FAM53B: variants seen among roughly 807,000 people sequenced by gnomAD.
The protein encoded by FAM53B is protein FAM53B.
Under a neutral mutation model 32.7 loss-of-function variants are expected in FAM53B, and 12 were observed. That is an observed-to-expected ratio of 0.37 (90% CI 0.24 to 0.59). FAM53B has a LOEUF of 0.59. FAM53B is among the 20% of genes least tolerant of loss of function. FAM53B has a pLI of 0.72. For synonymous variants in FAM53B, 234 were observed against 228.7 expected, an observed-to-expected ratio of 1.02 and a Z score of -0.21; for missense variants, 477 against 577.7, an observed-to-expected ratio of 0.83 and a Z score of 1.79.
chr10:124,690,463 G>A (rs532003980), intron 3 of FAM53B, among the ~76,000 whole-genome samples: 1 of 152,242 alleles, frequency 6.6e-6, no homozygotes, highest in Non-Finnish European at 1.5e-5. Flanking sequence ...TCATGTGGAA[G>A]GCATGGCACC....
intron 4 of FAM53B, among the ~76,000 whole-genome samples, chr10:124,637,953 T>C (rs895471026): frequency 7.9e-5 from 12 of 152,322 alleles, no homozygotes; most frequent in Middle Eastern, 3.4e-3. Context: ...ACCCAGGAGC[T>C]GGTGGGCCCT....
In FAM53B at chr10:124,706,774, C is replaced by T. The variant is rs1949962214; in HGVS notation, c.-61G>A. The T allele has an allele frequency of 6.2e-7, 1 of 1,612,252 alleles. No individual in the cohort carries two copies. Among genetic ancestry groups the T allele is most frequent in the African/African-American group, 1.3e-5 (1 of 74,904 alleles). Reference sequence around the variant, plus strand: ...TGGGTATCAGCCATCTTCACTTGGGCAGACTTGGGGTGAGTACCTCCTGGG... The same window carrying T: ...TGGGTATCAGCCATCTTCACTTGGGTAGACTTGGGGTGAGTACCTCCTGGG... On this transcript the variant is annotated 5_prime_UTR_variant, in exon 2 of 5. Transcript: ENST00000337318.
At chr10:124,667,848 G>A (rs571479741) in intron 4 of FAM53B, among the ~76,000 whole-genome samples, 6 of 152,210 alleles carry the variant, frequency 3.9e-5, no homozygotes, top group Admixed American at 1.3e-4. Context: ...CCTCTCCAGG[G>A]GGTACTGCAC....
At chr10:124,633,246 G>GAA (rs10535148) in intron 4 of FAM53B, among the ~76,000 whole-genome samples, 23 of 135,790 alleles carry the variant, frequency 1.7e-4, no homozygotes, top group South Asian at 9.2e-4. Context: ...AAAATTGATA[G>GAA]AAAAAAAAAA....
intron 4 of FAM53B, among the ~76,000 whole-genome samples, chr10:124,626,400 C>T (rs529272467): frequency 1.6e-4 from 24 of 146,830 alleles, no homozygotes; most frequent in African/African-American, 3.7e-4. Flanking sequence ...CCCCCCCCCC[C>T]CCACCATTCC....
chr10:124,725,340 C>A (rs1473013871), intron 1 of FAM53B, among the ~76,000 whole-genome samples: 2 of 152,254 alleles, frequency 1.3e-5, no homozygotes, highest in African/African-American at 4.8e-5. Context: ...GCAGCCCCGG[C>A]TGGGCTCAGG....
At position 124,734,825 on chromosome 10, in the gene FAM53B, G is replaced by T. The variant is rs114571752; in HGVS notation, c.-175+9188C>A. Among the ~76,000 whole-genome samples, 596 of 152,308 alleles carry T rather than the reference G, an allele frequency of 3.9e-3. 3 individuals are homozygous for T. The highest frequency in any genetic ancestry group is 0.014 in the African/African-American group (570 of 41,554). On this transcript the variant is annotated intron_variant, in intron 1 of 4. Coordinates refer to ENST00000337318, the MANE Select transcript of FAM53B (RefSeq NM_014661.4). ...CCAGCCAGCCCCAGACTCATGAGGC[G>T]CGATGCTCACCAGACCCAGGGAATA...
chr10:124,711,227 A>C (rs1343871188), intron 1 of FAM53B, among the ~76,000 whole-genome samples: 1 of 152,186 alleles, frequency 6.6e-6, no homozygotes, highest in Non-Finnish European at 1.5e-5. Context: ...AAGGCTCACT[A>C]TTCTAGGAGT....
At chr10:124,706,540 T>A (rs1406979224) in intron 2 of FAM53B, 96 bp downstream of exon 2, 3 of 1,508,682 alleles carry the variant, frequency 2.0e-6, no homozygotes, top group Non-Finnish European at 2.8e-6. Flanking sequence ...GACTCTGGAC[T>A]CGATTTGCTA....
intron 2 of FAM53B, chr10:124,703,765 C>T (rs921744048): frequency 6.6e-6 from 1 of 152,430 alleles, no homozygotes; most frequent in Non-Finnish European, 1.5e-5. Context: ...AAGAAGGATA[C>T]TTTCCAACAA....
intron 4 of FAM53B, among the ~76,000 whole-genome samples, chr10:124,650,020 A>G (rs1045363876): frequency 9.9e-5 from 15 of 152,190 alleles, no homozygotes; most frequent in Non-Finnish European, 2.9e-5. Context: ...GCAGATTTCC[A>G]GCCATCTACT....
intron 4 of FAM53B, among the ~76,000 whole-genome samples, chr10:124,680,600 C>T (rs767924735): frequency 6.6e-6 from 1 of 152,206 alleles, no homozygotes; most frequent in Non-Finnish European, 1.5e-5. Context: ...GCCTGCCTGC[C>T]GTGGATCTGG....
intron 1 of FAM53B, among the ~76,000 whole-genome samples, chr10:124,712,932 C>T (rs1214748508): frequency 6.6e-6 from 1 of 152,248 alleles, no homozygotes; most frequent in African/African-American, 2.4e-5. Context: ...CTCCCAAGTC[C>T]TCACCCCAAG....
intron 1 of FAM53B, among the ~76,000 whole-genome samples, chr10:124,720,302 T>A (rs1950061751): frequency 1.1e-5 from 1 of 91,660 alleles, no homozygotes; most frequent in Admixed American, 1.5e-4. Flanking sequence ...AGACCTCGTC[T>A]TGACAAAAAA....
chr10:124,631,264 G>A (rs919988817), intron 4 of FAM53B, among the ~76,000 whole-genome samples: 1 of 152,204 alleles, frequency 6.6e-6, no homozygotes, highest in African/African-American at 2.4e-5. Context: ...GACCCAGCTG[G>A]GGACAAGGAC....
intron 1 of FAM53B, among the ~76,000 whole-genome samples, chr10:124,728,822 A>G (rs1358531340): frequency 6.6e-6 from 1 of 152,248 alleles, no homozygotes; most frequent in Non-Finnish European, 1.5e-5. Context: ...TAAAAATGTC[A>G]TCAGGGAACC....
At chr10:124,636,089 T>A (rs1320522247) in intron 4 of FAM53B, among the ~76,000 whole-genome samples, 1 of 152,214 alleles carries the variant, frequency 6.6e-6, no homozygotes, top group African/African-American at 2.4e-5. Context: ...TGAAATGCCA[T>A]GTCTATCTCT....
intron 1 of FAM53B, among the ~76,000 whole-genome samples, chr10:124,722,794 C>A (rs897753288): frequency 6.6e-6 from 1 of 152,238 alleles, no homozygotes; most frequent in Non-Finnish European, 1.5e-5. Context: ...GAGCTCCCCC[C>A]AGGAAGGAGG....
intron 1 of FAM53B, among the ~76,000 whole-genome samples, chr10:124,715,002 C>A (rs935728266): frequency 1.3e-5 from 2 of 152,200 alleles, no homozygotes; most frequent in African/African-American, 4.8e-5. Flanking sequence ...GAACAAGGCA[C>A]AAAGACTCAA....
Sources: gnomAD v4.1 joint callset for allele counts (sites outside exome capture counted in the v4.1 genomes callset) on GRCh38, gnomAD v4.1.1 for gene constraint, MANE v1.5 for transcripts, NCBI Gene and HGNC (gene_info 2026-07-23, HGNC 2026-07-21) for gene names.